The following GFRA2 variants were observed in gnomAD, a reference collection of about 807,000 sequenced individuals.
GFRA2 encodes GDNF family receptor alpha 2.
In GFRA2, 17 loss-of-function variants were observed where a neutral mutation model predicts 48.3. The ratio of observed to expected loss-of-function variants is 0.35; its 90% CI spans 0.24 to 0.53. The LOEUF (loss-of-function observed/expected upper bound fraction) is 0.53. Among genes scored for constraint, GFRA2 ranks in the 20% least tolerant of loss-of-function variants. The probability of loss-of-function intolerance (pLI) is 0.93; values close to 1 mark genes in which losing one functional copy is unlikely to be tolerated. For missense variants in GFRA2, 660 were observed against 637.3 expected (o/e 1.04, Z -0.38); for synonymous variants, 305 against 257.2 (o/e 1.19, Z -1.78).
intron 3 of GFRA2, among the ~76,000 whole-genome samples, chr8:21,767,727 A>C (rs1806246772): frequency 6.6e-6 from 1 of 152,156 alleles, no homozygotes; most frequent in African/African-American, 2.4e-5. Flanking sequence ...CCCAGAAAAT[A>C]CCTTCATCCA....
chr8:21,766,301 C>G (rs1472332612), intron 3 of GFRA2, among the ~76,000 whole-genome samples: 1 of 152,066 alleles, frequency 6.6e-6, no homozygotes, highest in African/African-American at 2.4e-5. Flanking sequence ...TCATCACTAT[C>G]TCACATGTCT....
At chr8:21,726,268 G>C (rs2117469172) in intron 4 of GFRA2, among the ~76,000 whole-genome samples, 1 of 152,254 alleles carries the variant, frequency 6.6e-6, no homozygotes, top group East Asian at 1.9e-4. Context: ...CTGCTGCCCA[G>C]CTCTCAGGGG....
intron 2 of GFRA2, among the ~76,000 whole-genome samples, chr8:21,794,530 C>T (rs1807634968): frequency 6.6e-6 from 1 of 152,154 alleles, no homozygotes; most frequent in Non-Finnish European, 1.5e-5. Flanking sequence ...GGATTACAGG[C>T]GTGAGCCACC....
Position 21,716,425 on chromosome 8 carries a change from C to T in GFRA2, c.795-10384G>A, listed in dbSNP as rs374704530. Among the ~76,000 whole-genome samples, 291 of 152,222 alleles carry T rather than the reference C, an allele frequency of 1.9e-3. 1 individual carries two copies. The highest frequency in any genetic ancestry group is 6.9e-3 in the African/African-American group (285 of 41,528). The stretch of plus-strand genomic sequence containing the variant: ...GAAGAAGCACACACTAGAAAGGCCA[C>T]GTGGGCCAAAAACAAAACCCACAAA... On this transcript the variant is annotated intron_variant, in intron 4 of 8. Transcript: ENST00000524240.
At chr8:21,728,604 T>G (rs1804011864) in intron 4 of GFRA2, among the ~76,000 whole-genome samples, 1 of 152,012 alleles carries the variant, frequency 6.6e-6, no homozygotes, top group African/African-American at 2.4e-5. Flanking sequence ...AGCACCATGA[T>G]GGATGGAGAT....
intron 1 of GFRA2, 43 bp downstream of exon 1, chr8:21,788,069 CCTCCCCGG>C: frequency 9.3e-7 from 1 of 1,069,874 alleles, no homozygotes; most frequent in South Asian, 1.4e-5. Context: ...TCGCCCCCCG[CCTCCCCGG>C]CTTCTCGCCT....
chr8:21,771,612 G>A (rs1186046777), intron 3 of GFRA2, among the ~76,000 whole-genome samples: 2 of 152,130 alleles, frequency 1.3e-5, no homozygotes, highest in East Asian at 1.9e-4. Context: ...ATCCCAGTAC[G>A]ACTTTCCGAG....
At chr8:21,771,988 C>T (rs1444986364) in intron 3 of GFRA2, among the ~76,000 whole-genome samples, 2 of 152,224 alleles carry the variant, frequency 1.3e-5, no homozygotes, top group East Asian at 1.9e-4. Context: ...TTGCAGCCAG[C>T]GTGCGACACA....
upstream of GFRA2, among the ~76,000 whole-genome samples, chr8:21,789,788 C>T (rs1807501883): frequency 6.6e-6 from 1 of 152,116 alleles, no homozygotes; most frequent in Non-Finnish European, 1.5e-5. Context: ...TCTCCCCTCC[C>T]CCCGGCTCGG....
At chr8:21,740,808 G>A (rs993851269) in intron 4 of GFRA2, among the ~76,000 whole-genome samples, 31 of 152,152 alleles carry the variant, frequency 2.0e-4, no homozygotes, top group Admixed American at 1.1e-3. Context: ...CCAGGCCTTC[G>A]CCATCTCAGA....
At position 21,693,203 on chromosome 8, in the gene GFRA2, G is replaced by C; in HGVS notation, c.*75C>G. The C allele has an allele frequency of 1.4e-6, 2 of 1,459,142 alleles. No individual in the cohort carries two copies. Among genetic ancestry groups the C allele is most frequent in the Non-Finnish European group, 1.9e-6 (2 of 1,071,122 alleles). The allele number at this position is 1,459,142 out of a possible 1,614,324, so 90.4% of individuals were successfully genotyped here. ...TTTTGCAAGGTGTGTGTGTGTCTGT[G>C]TGTGTTTCCATTTCGTCAGGCGGCT... is the stretch of plus-strand genomic sequence containing the variant. On this transcript the variant is annotated 3_prime_UTR_variant, in exon 9 of 9. Transcript: ENST00000524240.
intron 3 of GFRA2, among the ~76,000 whole-genome samples, chr8:21,763,365 A>T (rs1409987796): frequency 1.3e-5 from 2 of 151,978 alleles, no homozygotes; most frequent in East Asian, 3.9e-4. Flanking sequence ...TGGGAAGTTC[A>T]TGTCATCAGC....
Position 21,705,947 on chromosome 8 carries a change from A to G in GFRA2, c.889T>C (p.Tyr297His), listed in dbSNP as rs1360844821. The part of the protein sequence containing the change: ...ADNYQACLGS[Y>H]AGMIGFDMTP... ...AAGAGCTTACCAATCATGCCAGCAT[A>G]AGAGCCCAGACACGCCTGGTAATTG... The change falls in exon 5 of 9, where the codon TAT becomes CAT. Residue 297 changes from tyrosine (Y) to histidine (H), a missense_variant. Tyr to His is a moderately conservative substitution (Grantham distance 83, BLOSUM62 2). Coordinates refer to ENST00000524240, the MANE Select transcript of GFRA2 (RefSeq NM_001495.5). 6.4e-7 allele frequency: 1 copy of G among 1,562,548 alleles called. No individual in the cohort carries two copies. The highest frequency in any genetic ancestry group is 1.4e-5 in the African/African-American group (1 of 73,694).
intron 4 of GFRA2, among the ~76,000 whole-genome samples, chr8:21,729,645 G>T (rs1394893970): frequency 1.3e-5 from 2 of 152,170 alleles, no homozygotes; most frequent in Non-Finnish European, 2.9e-5. Flanking sequence ...ACACAGACAA[G>T]CTCGCAGGGA....
chr8:21,716,216 G>A (rs1434265115), intron 4 of GFRA2, among the ~76,000 whole-genome samples: 19 of 152,006 alleles, frequency 1.2e-4, no homozygotes, highest in African/African-American at 3.6e-4. Flanking sequence ...CCACCTCCTC[G>A]GGAGGCTGAA....
chr8:21,747,798 A>ATG (rs1238265052), intron 4 of GFRA2, among the ~76,000 whole-genome samples: 5 of 149,524 alleles, frequency 3.3e-5, no homozygotes, highest in Non-Finnish European at 7.4e-5. Context: ...ACACACACAC[A>ATG]CACGCATGCA....
At chr8:21,697,538 G>C (rs982493802) in intron 7 of GFRA2, among the ~76,000 whole-genome samples, 15 of 152,068 alleles carry the variant, frequency 9.9e-5, no homozygotes, top group Non-Finnish European at 1.8e-4. Context: ...GTGGCGGGAG[G>C]GGCAGAGAGA....
At chr8:21,699,272 G>C (rs997375423) in intron 7 of GFRA2, among the ~76,000 whole-genome samples, 2 of 152,346 alleles carry the variant, frequency 1.3e-5, no homozygotes, top group East Asian at 3.9e-4. Flanking sequence ...GAGCAGACAG[G>C]AGGAGGGAGG....
chr8:21,768,641 C>A (rs1200747230), intron 3 of GFRA2, among the ~76,000 whole-genome samples: 2 of 152,132 alleles, frequency 1.3e-5, no homozygotes, highest in African/African-American at 4.8e-5. Context: ...ACCGGCCGAG[C>A]AAAGCCGGGC....
Sources: gnomAD v4.1 joint callset for allele counts (sites outside exome capture counted in the v4.1 genomes callset) on GRCh38, gnomAD v4.1.1 for gene constraint, MANE v1.5 for transcripts, NCBI Gene and HGNC (gene_info 2026-07-23, HGNC 2026-07-21) for gene names.